GPD2: variants seen among roughly 807,000 people sequenced by gnomAD.
GPD2 encodes glycerol-3-phosphate dehydrogenase, mitochondrial.
Under a neutral mutation model 82.4 loss-of-function variants are expected in GPD2, and 54 were observed. The ratio of observed to expected loss-of-function variants is 0.66; its 90% CI spans 0.53 to 0.82. GPD2 has a LOEUF of 0.82. GPD2 is among the 40% of genes least tolerant of loss of function. The probability of loss-of-function intolerance (pLI) is 0.00; values close to 1 mark genes in which losing one functional copy is unlikely to be tolerated. For missense variants in GPD2, 748 were observed against 896.2 expected (o/e 0.83, Z 2.11); for synonymous variants, 288 against 306.1 (o/e 0.94, Z 0.62).
the GPD2 span, among the ~76,000 whole-genome samples, chr2:156,422,797 A>G: frequency 6.6e-6 from 1 of 152,064 alleles, no homozygotes; most frequent in South Asian, 2.1e-4. Flanking sequence ...ATAGATTCAC[A>G]TTTCTTGTCA....
At chr2:156,401,215 T>C in the GPD2 span, among the ~76,000 whole-genome samples, 5 of 152,304 alleles carry the variant, frequency 3.3e-5, no homozygotes, top group South Asian at 2.1e-4. Flanking sequence ...GAACCACCAA[T>C]GCTTATAGCA....
chr2:156,541,157 C>A (rs968387990), intron 6 of GPD2, among the ~76,000 whole-genome samples: 9 of 152,170 alleles, frequency 5.9e-5, no homozygotes, highest in Non-Finnish European at 1.0e-4. Context: ...AGAGATCAAA[C>A]CTTAGATGAA....
intron 1 of GPD2, among the ~76,000 whole-genome samples, chr2:156,450,875 A>C (rs1247719151): frequency 7.7e-6 from 1 of 130,476 alleles, no homozygotes; most frequent in Non-Finnish European, 1.6e-5. Flanking sequence ...CTTAACGAGC[A>C]TGCTGCCTTC....
chr2:156,577,153 A>G (rs552649667), intron 13 of GPD2, among the ~76,000 whole-genome samples: 2 of 152,308 alleles, frequency 1.3e-5, no homozygotes, highest in Non-Finnish European at 2.9e-5. Context: ...TCTATTTCCT[A>G]AGAAAAGGAA....
the GPD2 span, among the ~76,000 whole-genome samples, chr2:156,419,300 C>G: frequency 6.6e-6 from 1 of 152,154 alleles, no homozygotes; most frequent in Non-Finnish European, 1.5e-5. Flanking sequence ...CTCAGGTGAT[C>G]TGCCCACCTG....
chr2:156,438,888 G>T lies in GPD2; in HGVS notation c.-9+2375G>T, dbSNP rs563526103. ...CAATTGGAGACCAACATAAGACCTC[G>T]TACAATCATTTTTCCAGTGGTAGGA... is the stretch of plus-strand genomic sequence containing the variant. On this transcript the variant is annotated intron_variant, in intron 1 of 16. Coordinates refer to ENST00000438166, the MANE Select transcript of GPD2 (RefSeq NM_000408.5). Among the ~76,000 whole-genome samples the T allele has an allele frequency of 1.1e-4, 17 of 152,286 alleles. No homozygotes were observed. The South Asian group carries it at 3.3e-3, about 30-fold the overall frequency.
At chr2:156,559,666 G>A (rs912638808) in intron 9 of GPD2, among the ~76,000 whole-genome samples, 1 of 152,154 alleles carries the variant, frequency 6.6e-6, no homozygotes, top group African/African-American at 2.4e-5. Context: ...AGTAATGGAT[G>A]TAATTTCATT....
intron 13 of GPD2, among the ~76,000 whole-genome samples, chr2:156,577,220 G>C (rs1465914429): frequency 6.6e-6 from 1 of 152,174 alleles, no homozygotes; most frequent in Non-Finnish European, 1.5e-5. Flanking sequence ...AGTGCTTCAT[G>C]CCTATAATCC....
the GPD2 span, among the ~76,000 whole-genome samples, chr2:156,404,548 A>G: frequency 1.3e-5 from 2 of 152,072 alleles, no homozygotes; most frequent in South Asian, 2.1e-4. Context: ...TTAAAGTTTA[A>G]GAAAAGTTTA....
intron 1 of GPD2, among the ~76,000 whole-genome samples, chr2:156,466,958 C>T (rs538665937): frequency 1.3e-5 from 2 of 152,284 alleles, no homozygotes; most frequent in East Asian, 1.9e-4. Flanking sequence ...GGGCCAACCT[C>T]GTTCTCACTG....
In GPD2 at chr2:156,438,304, C is replaced by T. The variant is rs1024354103; in HGVS notation, c.-9+1791C>T. On this transcript the variant is annotated intron_variant, in intron 1 of 16. Coordinates refer to ENST00000438166, the MANE Select transcript of GPD2 (RefSeq NM_000408.5). ...AAAATATGGATAATAAATGCTATGA[C>T]GTGTGTAAAATTGCTAGCAATGTAC... 3.3e-5 allele frequency among the ~76,000 whole-genome samples: 5 copies of T among 152,134 alleles called. No individual in the cohort carries two copies. In the South Asian group the frequency reaches 6.2e-4, roughly 19 times the overall value.
chr2:156,421,494 A>G, the GPD2 span, among the ~76,000 whole-genome samples: 5 of 152,168 alleles, frequency 3.3e-5, no homozygotes, highest in Non-Finnish European at 5.9e-5. Context: ...TCTGTCTGGT[A>G]TGTGGATCAT....
intron 6 of GPD2, among the ~76,000 whole-genome samples, chr2:156,515,031 C>T (rs1685148156): frequency 6.6e-6 from 1 of 152,192 alleles, no homozygotes; most frequent in African/African-American, 2.4e-5. Context: ...AACCCTCTCA[C>T]ATACTTACTC....
intron 9 of GPD2, among the ~76,000 whole-genome samples, chr2:156,561,182 G>A (rs1687160648): frequency 6.6e-6 from 1 of 150,598 alleles, no homozygotes; most frequent in Non-Finnish European, 1.5e-5. Context: ...TGAGTAGCTG[G>A]GATTACAGGC....
chr2:156,554,188 G>A (rs546312368), intron 8 of GPD2, among the ~76,000 whole-genome samples: 1 of 152,148 alleles, frequency 6.6e-6, no homozygotes, highest in Admixed American at 6.5e-5. Context: ...TCATTCTCTT[G>A]GGTGATATTA....
the GPD2 span, among the ~76,000 whole-genome samples, chr2:156,415,770 A>T: frequency 1.3e-5 from 2 of 152,062 alleles, no homozygotes; most frequent in South Asian, 4.1e-4. Context: ...CAGGAGAATC[A>T]CTTGAACTCA....
intron 1 of GPD2, among the ~76,000 whole-genome samples, chr2:156,458,453 G>A (rs1682862154): frequency 6.6e-6 from 1 of 152,180 alleles, no homozygotes; most frequent in African/African-American, 2.4e-5. Flanking sequence ...TGTAGGGCGA[G>A]TTTAGGTGCA....
chr2:156,424,870 T>C, the GPD2 span, among the ~76,000 whole-genome samples: 2 of 152,342 alleles, frequency 1.3e-5, no homozygotes, highest in African/African-American at 4.8e-5. Flanking sequence ...ATTTTGATTA[T>C]GAACATCTTA....
In GPD2 at chr2:156,514,735, TC is replaced by T. The variant is rs550383937; in HGVS notation, c.661+1240del. ...AGGTAAACATTAAAAGCTAGAAAAT[TC>T]ACAGTTTACAGTGCTTCCGAGCATC... On this transcript the variant is annotated intron_variant, in intron 6 of 16. Coordinates refer to ENST00000438166, the MANE Select transcript of GPD2 (RefSeq NM_000408.5). 1.4e-4 allele frequency among the ~76,000 whole-genome samples: 22 copies of T among 152,260 alleles called. No individual in the cohort carries two copies. In the South Asian group the frequency reaches 4.4e-3, roughly 30 times the overall value.
Sources: gnomAD v4.1 joint callset for allele counts (sites outside exome capture counted in the v4.1 genomes callset) on GRCh38, gnomAD v4.1.1 for gene constraint, MANE v1.5 for transcripts, NCBI Gene and HGNC (gene_info 2026-07-23, HGNC 2026-07-21) for gene names.